The following PLEKHH2 variants were observed in gnomAD, a reference collection of about 807,000 sequenced individuals.
PLEKHH2 encodes the protein pleckstrin homology, MyTH4 and FERM domain containing H2, also known as pleckstrin homology domain-containing family H member 2.
Under a neutral mutation model 187.9 loss-of-function variants are expected in PLEKHH2, and 129 were observed. That is an observed-to-expected ratio of 0.69 (90% CI 0.59 to 0.79). The LOEUF (loss-of-function observed/expected upper bound fraction) is 0.79, where lower values mean the gene tolerates loss of function less well. Among genes scored for constraint, PLEKHH2 ranks in the 30% least tolerant of loss-of-function variants. The pLI, the probability that PLEKHH2 is intolerant of heterozygous loss-of-function variation, is 0.00. For missense variants in PLEKHH2, 2,076 were observed against 1,751.2 expected, an observed-to-expected ratio of 1.19 and a Z score of -3.31; for synonymous variants, 686 against 605.6, an observed-to-expected ratio of 1.13 and a Z score of -1.95.
Position 43,692,778 on chromosome 2 carries a change from G to A in PLEKHH2, c.336+115G>A, listed in dbSNP as rs1047632688. 3.9e-5 allele frequency: 45 copies of A among 1,161,234 alleles called. 1 individual carries two copies. Among genetic ancestry groups the A allele is most frequent in the African/African-American group, 2.8e-4 (18 of 63,342 alleles). 71.9% of individuals were successfully genotyped at this position (1,161,234 alleles called of 1,614,324 possible). ...ATTTGGGGAGAAATATTGCTTATTC[G>A]GTCAACCCATAGGATTGCATCACAT... On this transcript the variant is annotated intron_variant, in intron 4 of 29. Coordinates refer to ENST00000282406, the MANE Select transcript of PLEKHH2 (RefSeq NM_172069.4).
intron 20 of PLEKHH2, 71 bp downstream of exon 20, chr2:43,738,591 C>A: frequency 7.3e-7 from 1 of 1,375,680 alleles, no homozygotes; most frequent in Non-Finnish European, 9.9e-7. Context: ...GAATGATACA[C>A]ATTCAGCATA....
At chr2:43,701,706 TAA>T (rs34834673) in intron 8 of PLEKHH2, among the ~76,000 whole-genome samples, 29 of 129,636 alleles carry the variant, frequency 2.2e-4, no homozygotes, top group Non-Finnish European at 2.0e-4. Context: ...ACTGCTAGAC[TAA>T]AAAAAAAAAA....
chr2:43,704,086 T>G lies in PLEKHH2; in HGVS notation c.1726+30T>G, dbSNP rs774721842. 5.4e-6 allele frequency: 8 copies of G among 1,484,654 alleles called. No individual in the cohort carries two copies. The East Asian group carries it at 1.4e-4, about 25-fold the overall frequency. 92.0% of individuals were successfully genotyped at this position (1,484,654 alleles called of 1,614,324 possible). Reference sequence around the variant, plus strand: ...GTGCTTTTTCATGCTGCCACCTGGATGAACCTTGAGGACTTTGTGCTAAGG... The same window carrying G: ...GTGCTTTTTCATGCTGCCACCTGGAGGAACCTTGAGGACTTTGTGCTAAGG... On this transcript the variant is annotated intron_variant, in intron 9 of 29. Coordinates refer to ENST00000282406, the MANE Select transcript of PLEKHH2 (RefSeq NM_172069.4).
intron 16 of PLEKHH2, among the ~76,000 whole-genome samples, chr2:43,725,013 C>T (rs1441919652): frequency 6.6e-6 from 1 of 152,166 alleles, no homozygotes; most frequent in African/African-American, 2.4e-5. Context: ...AACACCTCTC[C>T]ATCACAGAGA....
chr2:43,745,441 A>G (rs940003683), intron 23 of PLEKHH2, among the ~76,000 whole-genome samples: 30 of 152,218 alleles, frequency 2.0e-4, no homozygotes, highest in Non-Finnish European at 5.9e-5. Context: ...AAAATCAAAT[A>G]GCTAGACCTG....
chr2:43,744,406 C>T (rs1441908782), intron 23 of PLEKHH2, among the ~76,000 whole-genome samples: 2 of 152,168 alleles, frequency 1.3e-5, no homozygotes, highest in African/African-American at 2.4e-5. Context: ...CCACAGTGAA[C>T]TTAAAATTTG....
Position 43,683,023 on chromosome 2 carries a change from G to A in PLEKHH2, c.186+4098G>A, listed in dbSNP as rs138167505. On this transcript the variant is annotated intron_variant, in intron 3 of 29. Coordinates refer to ENST00000282406, the MANE Select transcript of PLEKHH2 (RefSeq NM_172069.4). ...CTTTTTATGGACTTTCACTGCCCTC[G>A]ATGTCTCCTGTGCCCTACCTATTCT... Among the ~76,000 whole-genome samples, 668 of 151,672 alleles carry A rather than the reference G, an allele frequency of 4.4e-3. 5 individuals are homozygous for A. The highest frequency in any genetic ancestry group is 0.015 in the African/African-American group (620 of 41,282).
In PLEKHH2 at chr2:43,697,045, A is replaced by G. The variant is rs145079892; in HGVS notation, c.503-126A>G. ...GTTCTATGTTATTGTACATCAATAAAGATGAACTTTAGGCTTTTTTTCTGG... is the reference window on the plus strand; with the variant it reads ...GTTCTATGTTATTGTACATCAATAAGGATGAACTTTAGGCTTTTTTTCTGG... On this transcript the variant is annotated intron_variant, in intron 6 of 29. Coordinates refer to ENST00000282406, the MANE Select transcript of PLEKHH2 (RefSeq NM_172069.4). The G allele has an allele frequency of 5.1e-4, 340 of 664,126 alleles. 4 individuals are homozygous for G. In the East Asian group the frequency reaches 9.8e-3, roughly 19 times the overall value. The allele number at this position is 664,126 out of a possible 1,614,324, so 41.1% of individuals were successfully genotyped here. A position where few individuals can be genotyped will look rare whatever the true frequency, so the allele number is the denominator to read the frequency against.
rs1356002717 is a variant in PLEKHH2 at position 43,710,211 on chromosome 2, A to T, written c.2104-9A>T. On this transcript the variant is annotated splice_polypyrimidine_tract_variant and intron_variant, in intron 12 of 29. Coordinates refer to ENST00000282406, the MANE Select transcript of PLEKHH2 (RefSeq NM_172069.4). ...CTGAAAATGCTTTTGTCTATCTTTT[A>T]AAAATTAGGAACCACTGGAAAAATC... 1 of 1,612,770 alleles carries T rather than the reference A, an allele frequency of 6.2e-7. No individual in the cohort carries two copies. The highest frequency in any genetic ancestry group is 1.1e-5 in the South Asian group (1 of 90,860).
intron 26 of PLEKHH2, among the ~76,000 whole-genome samples, chr2:43,757,697 C>T (rs1218501004): frequency 2.0e-5 from 3 of 151,976 alleles, no homozygotes; most frequent in Non-Finnish European, 2.9e-5. Flanking sequence ...GGATTAGAGG[C>T]GTGAGCCACT....
intron 20 of PLEKHH2, among the ~76,000 whole-genome samples, chr2:43,739,832 C>G (rs1165704033): frequency 6.6e-6 from 1 of 152,224 alleles, no homozygotes; most frequent in Non-Finnish European, 1.5e-5. Flanking sequence ...GATCCCTCCT[C>G]TTCCTTCCCT....
chr2:43,674,491 G>A (rs115152049), intron 2 of PLEKHH2, among the ~76,000 whole-genome samples: 2,673 of 152,292 alleles, frequency 0.018, 25 homozygotes, highest in Non-Finnish European at 0.026. Context: ...TTGTCCAGCT[G>A]CTTCTATATA....
At chr2:43,699,521 G>T (rs753964641) in intron 7 of PLEKHH2, 126 bp from the exon 8 acceptor site, 15 of 1,175,618 alleles carry the variant, frequency 1.3e-5, no homozygotes, top group Non-Finnish European at 1.8e-5. Context: ...GGGACTACAG[G>T]TACACACCAC....
At chr2:43,688,400 T>C (rs1668632979) in intron 3 of PLEKHH2, among the ~76,000 whole-genome samples, 1 of 152,230 alleles carries the variant, frequency 6.6e-6, no homozygotes, top group Non-Finnish European at 1.5e-5. Context: ...CAATCAGGAA[T>C]CTTTGTCATG....
At chr2:43,711,939 C>CG in intron 14 of PLEKHH2, 3 of 1,086,266 alleles carry the variant, frequency 2.8e-6, no homozygotes, top group Non-Finnish European at 3.4e-6. Flanking sequence ...CACATTTAAG[C>CG]AAGAAAGGGA....
At chr2:43,747,867 A>G (rs1671843244) in intron 24 of PLEKHH2, among the ~76,000 whole-genome samples, 1 of 152,258 alleles carries the variant, frequency 6.6e-6, no homozygotes, top group Admixed American at 6.5e-5. Flanking sequence ...AACATAAAGA[A>G]TGTAATTTTG....
chr2:43,712,845 A>AT (rs565420091), intron 15 of PLEKHH2, among the ~76,000 whole-genome samples: 1 of 152,282 alleles, frequency 6.6e-6, no homozygotes, highest in African/African-American at 2.4e-5. Flanking sequence ...CTGTCACTCA[A>AT]TTTTTTTAAA....
At chr2:43,685,238 G>A (rs1478474943) in intron 3 of PLEKHH2, among the ~76,000 whole-genome samples, 1 of 152,108 alleles carries the variant, frequency 6.6e-6, no homozygotes, top group Non-Finnish European at 1.5e-5. Flanking sequence ...GCCACTAAAA[G>A]CAGTACTCAG....
intron 10 of PLEKHH2, 139 bp downstream of exon 10, chr2:43,706,555 A>C: frequency 1.5e-6 from 1 of 646,914 alleles, no homozygotes; most frequent in Non-Finnish European, 2.6e-6. Context: ...AGTTCACGTT[A>C]ACATATCATA....
Sources: gnomAD v4.1 joint callset for allele counts (sites outside exome capture counted in the v4.1 genomes callset) on GRCh38, gnomAD v4.1.1 for gene constraint, MANE v1.5 for transcripts, NCBI Gene and HGNC (gene_info 2026-07-23, HGNC 2026-07-21) for gene names.